Variants in PCMTD2 observed in about 807,000 individuals in gnomAD.
PCMTD2 encodes protein-L-isoaspartate (D-aspartate) O-methyltransferase domain containing 2.
A neutral mutation model predicts 33.4 loss-of-function variants in PCMTD2; 16 were observed. That is an observed-to-expected ratio of 0.48 (90% confidence interval 0.32 to 0.73). PCMTD2 has a LOEUF of 0.73. Among genes scored for constraint, PCMTD2 ranks in the 30% least tolerant of loss-of-function variants. The probability of loss-of-function intolerance (pLI) is 0.03; values close to 1 mark genes in which losing one functional copy is unlikely to be tolerated. For missense variants in PCMTD2, 374 were observed against 449.9 expected, an observed-to-expected ratio of 0.83 and a Z score of 1.53; for synonymous variants, 161 against 160.8, an observed-to-expected ratio of 1.00 and a Z score of -0.01.
rs1986012141 is a variant in PCMTD2 at position 64,273,844 on chromosome 20, G to A, written c.*244G>A. 2.6e-6 allele frequency: 1 copy of A among 382,700 alleles called. No homozygotes were observed. Among genetic ancestry groups the A allele is most frequent in the Non-Finnish European group, 4.6e-6 (1 of 215,244 alleles). The allele number at this position is 382,700 out of a possible 1,614,324, so 23.7% of individuals were successfully genotyped here. On this transcript the variant is annotated 3_prime_UTR_variant, in exon 6 of 6. Coordinates refer to ENST00000308824, the MANE Select transcript of PCMTD2 (RefSeq NM_018257.3). ...TAGAAGATTGTTTTCCCAAAGTGGAGAGAATCTTCATAGAGAAAAAGAGAA... is the reference window on the plus strand; with the variant it reads ...TAGAAGATTGTTTTCCCAAAGTGGAAAGAATCTTCATAGAGAAAAAGAGAA...
At position 64,260,084 on chromosome 20, in the gene PCMTD2, A is replaced by G. The variant is rs572691544; in HGVS notation, c.119A>G (p.Asp40Gly). 5 of 1,613,102 alleles carry G rather than the reference A, an allele frequency of 3.1e-6. No individual in the cohort carries two copies. The highest frequency in any genetic ancestry group is 2.7e-5 in the African/African-American group (2 of 75,022). ...GCTTTCAGAGCTATCGATCGTGCAG[A>G]CTATTATCTTGAAGAATTTAAAGAA... ...EQAFRAIDRA[D>G]YYLEEFKENA... The change falls in exon 2 of 6, where the codon GAC (aspartate) becomes GGC (glycine). Residue 40 changes from aspartate (D) to glycine (G), a missense_variant. Asp to Gly is a moderately conservative substitution (Grantham distance 94, BLOSUM62 -1). Coordinates refer to ENST00000308824, the MANE Select transcript of PCMTD2 (RefSeq NM_018257.3).
At position 64,273,712 on chromosome 20, in the gene PCMTD2, CT is replaced by C; in HGVS notation, c.*113del. 1 of 835,380 alleles carries C rather than the reference CT, an allele frequency of 1.2e-6. No individual in the cohort carries two copies. Among genetic ancestry groups the C allele is most frequent in the Non-Finnish European group, 1.8e-6 (1 of 547,004 alleles). The allele number at this position is 835,380 out of a possible 1,614,324, so 51.7% of individuals were successfully genotyped here. On this transcript the variant is annotated 3_prime_UTR_variant, in exon 6 of 6. Coordinates refer to ENST00000308824, the MANE Select transcript of PCMTD2 (RefSeq NM_018257.3). Reference sequence around the variant, plus strand: ...GAGGCAGACGTTGTGGGGAAGGGAACTGCTGGGCTCATCCACACCATGGTTT... The same window carrying C: ...GAGGCAGACGTTGTGGGGAAGGGAACGCTGGGCTCATCCACACCATGGTTT...
intron 2 of PCMTD2, 60 bp downstream of exon 2, chr20:64,260,332 G>T: frequency 8.2e-7 from 1 of 1,224,616 alleles, no homozygotes; most frequent in Non-Finnish European, 1.2e-6. Flanking sequence ...CATCTCCTTT[G>T]ACAGAAAATG....
At position 64,273,395 on chromosome 20, in the gene PCMTD2, A is replaced by G. The variant is rs781098622; in HGVS notation, c.881A>G (p.Asp294Gly). Residue 294 changes from aspartate (D) to glycine (G), a missense_variant, in exon 6 of 6, where the codon GAC (aspartate) becomes GGC (glycine). Physicochemically the swap from Asp to Gly is moderately conservative, Grantham distance 94 (BLOSUM62 -1). Coordinates refer to ENST00000308824, the MANE Select transcript of PCMTD2 (RefSeq NM_018257.3). ...RRRMETIVFL[D>G]KEVFASRISN... Reference sequence around the variant, plus strand: ...CGAATGGAAACGATTGTCTTTTTGGACAAAGAAGTCTTTGCCAGTCGGATT... The same window carrying G: ...CGAATGGAAACGATTGTCTTTTTGGGCAAAGAAGTCTTTGCCAGTCGGATT... The G allele has an allele frequency of 1.2e-6, 2 of 1,614,016 alleles. No individual in the cohort carries two copies. Among genetic ancestry groups the G allele is most frequent in the Non-Finnish European group, 1.7e-6 (2 of 1,179,880 alleles).
At chr20:64,272,246 C>G (rs977704779) in intron 5 of PCMTD2, 4 of 339,068 alleles carry the variant, frequency 1.2e-5, no homozygotes, top group Non-Finnish European at 2.4e-5. Context: ...AAACGTTGTG[C>G]ACAACACAAG....
Position 64,267,911 on chromosome 20 carries a change from C to T in PCMTD2, c.607C>T (p.Pro203Ser). ...GTTGACTAAGATAACACGCACAGGT[C>T]CTTCAGCTTGGGAAACCAAAAAGAT... ...EKLTKITRTG[P>S]SAWETKKILA... Residue 203 changes from proline (P) to serine (S), a missense_variant, in exon 5 of 6, where the codon CCT becomes TCT. Transcript: ENST00000308824. 1 of 1,613,694 alleles carries T rather than the reference C, an allele frequency of 6.2e-7. No individual in the cohort carries two copies. Among genetic ancestry groups the T allele is most frequent in the Non-Finnish European group, 8.5e-7 (1 of 1,179,608 alleles).
At chr20:64,263,248 A>G (rs1413473024) in intron 2 of PCMTD2, among the ~76,000 whole-genome samples, 1 of 152,194 alleles carries the variant, frequency 6.6e-6, no homozygotes, top group African/African-American at 2.4e-5. Context: ...TAAACAGTGA[A>G]AAGGGGAACT....
chr20:64,258,679 T>C (rs1463797634), intron 1 of PCMTD2: 1 of 152,200 alleles, frequency 6.6e-6, no homozygotes, highest in African/African-American at 2.4e-5. Context: ...ATTCTACTGT[T>C]AGAAATCCAG....
At chr20:64,257,371 G>A (rs1985211387) in intron 1 of PCMTD2, among the ~76,000 whole-genome samples, 1 of 152,236 alleles carries the variant, frequency 6.6e-6, no homozygotes, top group Non-Finnish European at 1.5e-5. Flanking sequence ...GTTATGGACT[G>A]TTGCTAGTTA....
chr20:64,272,189 CAG>C (rs1238684102), intron 5 of PCMTD2: 24 of 365,886 alleles, frequency 6.6e-5, no homozygotes, highest in Admixed American at 3.0e-4. Context: ...TTCTGAAGAA[CAG>C]TGGAGATGCT....
chr20:64,264,547 A>G lies in PCMTD2; in HGVS notation c.410+16A>G. ...GTTTTGACAAGTAAGATGAAATACT[A>G]TCCATTGGCTCAGATGATGTGAACT... On this transcript the variant is annotated intron_variant, in intron 3 of 5. Coordinates refer to ENST00000308824, the MANE Select transcript of PCMTD2 (RefSeq NM_018257.3). The G allele has an allele frequency of 1.7e-6, 2 of 1,207,016 alleles. No individual in the cohort carries two copies. Among genetic ancestry groups the G allele is most frequent in the Non-Finnish European group, 2.5e-6 (2 of 808,934 alleles). The allele number at this position is 1,207,016 out of a possible 1,614,324, so 74.8% of individuals were successfully genotyped here. A position where few individuals can be genotyped will look rare whatever the true frequency, so the allele number is the denominator to read the frequency against.
chr20:64,273,163 G>C lies in PCMTD2; in HGVS notation c.707-58G>C, dbSNP rs1985974421. ...GATGCTACGGGTCTTAGGTGTGTAG[G>C]CGTTGTGGTGGTGTCACTCCGATGC... On this transcript the variant is annotated intron_variant, in intron 5 of 5. Transcript: ENST00000308824. 5 of 1,454,584 alleles carry C rather than the reference G, an allele frequency of 3.4e-6. No homozygotes were observed. The Admixed American group carries it at 8.0e-5, about 23-fold the overall frequency. 90.1% of individuals were successfully genotyped at this position (1,454,584 alleles called of 1,614,324 possible). A position where few individuals can be genotyped will look rare whatever the true frequency, so the allele number is the denominator to read the frequency against.
At chr20:64,273,147 G>C (rs1985973862) in intron 5 of PCMTD2, 74 bp from the exon 6 acceptor site, 2 of 1,248,890 alleles carry the variant, frequency 1.6e-6, no homozygotes, top group Admixed American at 2.2e-5. Context: ...TGATGCTACG[G>C]GTCTTAGGTG....
intron 2 of PCMTD2, chr20:64,262,871 CA>C (rs1321604890): frequency 1.3e-5 from 2 of 152,264 alleles, no homozygotes; most frequent in Non-Finnish European, 2.9e-5. Context: ...GCGGCTCTGC[CA>C]GGGGGGCCTC....
chr20:64,273,546 C>T lies in PCMTD2; in HGVS notation c.1032C>T (p.Ser344=). Residue 344 remains serine, a synonymous_variant, in exon 6 of 6, where the codon AGC becomes AGT. Transcript: ENST00000308824. ...ACTTCCTACGCCAGAAGGTCCTGAG[C>T]CTCCCTCTGCCAGATCCCCTGAAAT... ...PVNFLRQKVL[S]LPLPDPLKYY... 6.5e-7 allele frequency: 1 copy of T among 1,542,710 alleles called. No individual in the cohort carries two copies. The highest frequency in any genetic ancestry group is 8.7e-7 in the Non-Finnish European group (1 of 1,150,518).
intron 2 of PCMTD2, among the ~76,000 whole-genome samples, chr20:64,261,888 G>A (rs1985430917): frequency 6.6e-6 from 1 of 152,166 alleles, no homozygotes; most frequent in Non-Finnish European, 1.5e-5. Flanking sequence ...GGGAGAAATA[G>A]GTGATCAAGC....
rs1206804773 is a variant in PCMTD2, at chr20:64,267,874, G to A, written c.583-13G>A. On this transcript the variant is annotated splice_polypyrimidine_tract_variant and intron_variant, in intron 4 of 5. Coordinates refer to ENST00000308824, the MANE Select transcript of PCMTD2 (RefSeq NM_018257.3). ...CAATTCTTTTGAATATTCTCATTTT[G>A]TCTCTGGGATAGTTGACTAAGATAA... 1 of 1,610,296 alleles carries A rather than the reference G, an allele frequency of 6.2e-7. No homozygotes were observed. The highest frequency in any genetic ancestry group is 8.5e-7 in the Non-Finnish European group (1 of 1,177,542).
At chr20:64,262,589 C>T (rs1985471243) in intron 2 of PCMTD2, 1 of 152,336 alleles carries the variant, frequency 6.6e-6, no homozygotes, top group Non-Finnish European at 1.5e-5. Flanking sequence ...AGTGAAACCT[C>T]ATTGGCTTCC....
intron 2 of PCMTD2, 130 bp from the exon 3 acceptor site, chr20:64,264,299 G>C (rs1985558229): frequency 1.7e-6 from 1 of 603,192 alleles, no homozygotes; most frequent in Non-Finnish European, 3.0e-6. Context: ...ACTGTGATGA[G>C]ACTTCAAAAC....
Sources: gnomAD v4.1 joint callset for allele counts (sites outside exome capture counted in the v4.1 genomes callset) on GRCh38, gnomAD v4.1.1 for gene constraint, MANE v1.5 for transcripts, NCBI Gene and HGNC (gene_info 2026-07-23, HGNC 2026-07-21) for gene names.